The following IL1RAPL1 variants were observed in gnomAD, a reference collection of about 807,000 sequenced individuals.
IL1RAPL1 encodes the protein interleukin-1 receptor accessory protein-like 1.
Under a neutral mutation model 48.4 loss-of-function variants are expected in IL1RAPL1, and 3 were observed. The ratio of observed to expected loss-of-function variants is 0.06; its 90% CI spans 0.03 to 0.16. The LOEUF (loss-of-function observed/expected upper bound fraction) is 0.16. Among genes scored for constraint, IL1RAPL1 ranks in the 10% least tolerant of loss-of-function variants. The pLI, the probability that IL1RAPL1 is intolerant of heterozygous loss-of-function variation, is 1.00. For missense variants in IL1RAPL1, 349 were observed against 530.6 expected, an observed-to-expected ratio of 0.66 and a Z score of 3.36; for synonymous variants, 185 against 187.7, an observed-to-expected ratio of 0.99 and a Z score of 0.12.
chrX:29,125,860 A>G (rs181176502), intron 2 of IL1RAPL1, among the ~76,000 whole-genome samples: 10 of 43,759 alleles, frequency 2.3e-4, no homozygotes, highest in African/African-American at 8.9e-4. Context: ...TTTTAAATAA[A>G]TTTCTGAAAT....
intron 5 of IL1RAPL1, among the ~76,000 whole-genome samples, chrX:29,532,223 C>T (rs1223759650): frequency 8.9e-6 from 1 of 112,026 alleles, no homozygotes; most frequent in African/African-American, 3.2e-5. Context: ...TGTTCTGTCC[C>T]TCCTCCTCTC....
intron 5 of IL1RAPL1, among the ~76,000 whole-genome samples, chrX:29,617,904 A>G (rs552727172): frequency 1.8e-5 from 2 of 111,866 alleles, no homozygotes; most frequent in South Asian, 7.4e-4. Context: ...CAGCTCTCAA[A>G]TAAGAATGGT....
Position 29,176,631 on chromosome X carries a change from C to T in IL1RAPL1, c.83-106307C>T, listed in dbSNP as rs1035445754. On this transcript the variant is annotated intron_variant, in intron 2 of 10. Transcript: ENST00000378993. ...ATTTGTTTCATTCGATTTTTTTCCT[C>T]TCTAGCAACTTAAGGGATCCATACT... Among the ~76,000 whole-genome samples, 6 of 110,887 alleles carry T rather than the reference C, an allele frequency of 5.4e-5. No individual in the cohort carries two copies. In the South Asian group the frequency reaches 2.3e-3, roughly 42 times the overall value.
intron 5 of IL1RAPL1, among the ~76,000 whole-genome samples, chrX:29,483,067 T>G (rs753247372): frequency 1.8e-5 from 2 of 111,985 alleles, no homozygotes; most frequent in African/African-American, 6.5e-5. Context: ...CTTGTTTCCT[T>G]CTGATATATC....
At chrX:28,755,250 C>A (rs1936093761) in intron 1 of IL1RAPL1, among the ~76,000 whole-genome samples, 1 of 111,924 alleles carries the variant, frequency 8.9e-6, no homozygotes, top group African/African-American at 3.3e-5. Flanking sequence ...CCCGCCTTGG[C>A]CTCCCAAAGT....
chrX:29,287,658 A>G (rs1177679234), intron 3 of IL1RAPL1, among the ~76,000 whole-genome samples: 2 of 112,032 alleles, frequency 1.8e-5, no homozygotes, highest in East Asian at 5.6e-4. Flanking sequence ...CATTTTCCTA[A>G]TGGCTAATGA....
chrX:28,943,700 C>G (rs1343355751), intron 2 of IL1RAPL1, among the ~76,000 whole-genome samples: 1 of 110,160 alleles, frequency 9.1e-6, no homozygotes, highest in Non-Finnish European at 1.9e-5. Flanking sequence ...AAAAATGAAT[C>G]CACTGGGTAT....
intron 6 of IL1RAPL1, among the ~76,000 whole-genome samples, chrX:29,803,116 T>C (rs1228433389): frequency 2.5e-4 from 23 of 93,071 alleles, no homozygotes; most frequent in Non-Finnish European, 4.3e-4. Context: ...TATATGTATA[T>C]ATGTGTATAC....
chrX:28,977,984 A>G (rs1310318204), intron 2 of IL1RAPL1, among the ~76,000 whole-genome samples: 1 of 112,333 alleles, frequency 8.9e-6, no homozygotes, highest in Non-Finnish European at 1.9e-5. Context: ...TAAGAGAACA[A>G]GTGTTAAAAA....
chrX:29,319,773 C>T (rs1932791811), intron 3 of IL1RAPL1, among the ~76,000 whole-genome samples: 1 of 110,924 alleles, frequency 9.0e-6, no homozygotes, highest in African/African-American at 3.3e-5. Context: ...GATGCTACCT[C>T]ATTTTCTGGC....
At chrX:29,438,654 C>T (rs978614862) in intron 5 of IL1RAPL1, among the ~76,000 whole-genome samples, 2 of 111,001 alleles carry the variant, frequency 1.8e-5, no homozygotes, top group Non-Finnish European at 3.8e-5. Flanking sequence ...ATTTACTAGT[C>T]GTTTGGTGTC....
At chrX:29,696,948 T>A (rs1481787047) in intron 6 of IL1RAPL1, among the ~76,000 whole-genome samples, 2 of 111,881 alleles carry the variant, frequency 1.8e-5, no homozygotes, top group Non-Finnish European at 3.8e-5. Flanking sequence ...TACTTTATGT[T>A]ATGGATGCCT....
intron 2 of IL1RAPL1, among the ~76,000 whole-genome samples, chrX:28,979,737 G>T (rs1204965297): frequency 8.9e-6 from 1 of 112,215 alleles, no homozygotes; most frequent in Non-Finnish European, 1.9e-5. Flanking sequence ...AGTCTCTTGT[G>T]TAACAAGTTT....
At position 29,104,797 on chromosome X, in the gene IL1RAPL1, C is replaced by T. The variant is rs150244893; in HGVS notation, c.83-178141C>T. ...ATTTAAGAAAAAATCTAAAGGCAGG[C>T]ATATGAGAACTGATGTGCCACTAAG... On this transcript the variant is annotated intron_variant, in intron 2 of 10. Coordinates refer to ENST00000378993, the MANE Select transcript of IL1RAPL1 (RefSeq NM_014271.4). Among the ~76,000 whole-genome samples, 306 of 111,259 alleles carry T rather than the reference C, an allele frequency of 2.8e-3. 3 individuals carry two copies. The highest frequency in any genetic ancestry group is 9.6e-3 in the African/African-American group (295 of 30,642).
At chrX:28,764,912 A>G (rs1936218355) in intron 1 of IL1RAPL1, among the ~76,000 whole-genome samples, 2 of 110,769 alleles carry the variant, frequency 1.8e-5, no homozygotes, top group African/African-American at 6.6e-5. Context: ...CCAAATGTCC[A>G]TCAATGATAG....
At chrX:28,763,094 A>G (rs982847452) in intron 1 of IL1RAPL1, among the ~76,000 whole-genome samples, 2 of 110,911 alleles carry the variant, frequency 1.8e-5, no homozygotes, top group African/African-American at 6.6e-5. Flanking sequence ...TAATTAGGGG[A>G]ACTCCAGGGA....
intron 1 of IL1RAPL1, among the ~76,000 whole-genome samples, chrX:28,682,721 G>A (rs1376787485): frequency 1.6e-4 from 18 of 112,093 alleles, no homozygotes; most frequent in African/African-American, 5.8e-4. Flanking sequence ...GAAAATTCAA[G>A]TTATTTTAAA....
chrX:29,625,026 C>T (rs1924576535), intron 5 of IL1RAPL1, among the ~76,000 whole-genome samples: 1 of 111,752 alleles, frequency 8.9e-6, no homozygotes, highest in Non-Finnish European at 1.9e-5. Context: ...AGTGCTACTA[C>T]TATCTACTAT....
chrX:29,221,383 G>C (rs1291207770), intron 2 of IL1RAPL1, among the ~76,000 whole-genome samples: 2 of 110,919 alleles, frequency 1.8e-5, no homozygotes, highest in African/African-American at 6.6e-5. Flanking sequence ...TCAGATAGAA[G>C]TGTATTTCAC....
Sources: gnomAD v4.1 joint callset for allele counts (sites outside exome capture counted in the v4.1 genomes callset) on GRCh38, gnomAD v4.1.1 for gene constraint, MANE v1.5 for transcripts, NCBI Gene and HGNC (gene_info 2026-07-23, HGNC 2026-07-21) for gene names.